The following ZC3H8 variants were observed in gnomAD, a reference collection of about 807,000 sequenced individuals.
ZC3H8 encodes zinc finger CCCH domain-containing protein 8.
ZC3H8 carries 27 observed loss-of-function variants against 42.5 expected under a neutral mutation model. The ratio of observed to expected loss-of-function variants is 0.64; its 90% CI spans 0.47 to 0.88. The LOEUF (loss-of-function observed/expected upper bound fraction) is 0.88, where lower values mean the gene tolerates loss of function less well. Among genes scored for constraint, ZC3H8 ranks in the 40% least tolerant of loss-of-function variants. The pLI is 0.00. For missense variants in ZC3H8, 277 were observed against 336.1 expected (o/e 0.82, Z 1.37); for synonymous variants, 101 against 110.1 (o/e 0.92, Z 0.52).
intron 4 of ZC3H8, among the ~76,000 whole-genome samples, chr2:112,235,838 T>TAAAATTTAGTAGTAA (rs1334648813): frequency 6.6e-6 from 1 of 150,780 alleles, no homozygotes; most frequent in Non-Finnish European, 1.5e-5. Flanking sequence ...ACTTTAGTAG[T>TAAAATTTAGTAGTAA]AAAAAATTTG....
At chr2:112,251,487 A>G (rs1685945602) in intron 1 of ZC3H8, among the ~76,000 whole-genome samples, 1 of 152,222 alleles carries the variant, frequency 6.6e-6, no homozygotes, top group Admixed American at 6.5e-5. Flanking sequence ...CTCATGGAGT[A>G]GGAGGCAACC....
chr2:112,236,682 T>G lies in ZC3H8; in HGVS notation c.384A>C (p.Lys128Asn), dbSNP rs780400624. 6 of 1,609,974 alleles carry G rather than the reference T, an allele frequency of 3.7e-6. No individual in the cohort carries two copies. The East Asian group carries it at 1.3e-4, about 36-fold the overall frequency. ...TGTGACCAGCTTTAAGATTTTTATTTTTTTGTTTAGCAGCTAAAAACAAAA... is the reference window on the plus strand; with the variant it reads ...TGTGACCAGCTTTAAGATTTTTATTGTTTTGTTTAGCAGCTAAAAACAAAA... ...VKDTPQAAKQ[K>N]NKNLKAGHKN... is the part of the protein sequence containing the mutation. Residue 128 changes from lysine (K) to asparagine (N), a missense_variant, in exon 4 of 9, where the codon AAA becomes AAC. Coordinates refer to ENST00000409573, the MANE Select transcript of ZC3H8 (RefSeq NM_032494.3).
chr2:112,235,967 A>C (rs950444231), intron 4 of ZC3H8, among the ~76,000 whole-genome samples: 1 of 147,564 alleles, frequency 6.8e-6, no homozygotes. Flanking sequence ...TCAAGGAGTG[A>C]CCAGGCACAG....
At chr2:112,238,207 T>C in intron 3 of ZC3H8, 108 bp downstream of exon 3, 1 of 1,135,190 alleles carries the variant, frequency 8.8e-7, no homozygotes, top group South Asian at 1.5e-5. Context: ...ATGAAAACCA[T>C]AGTCTTATCA....
Position 112,212,795 on chromosome 2 carries a change from T to C in ZC3H8, c.*3689A>G, listed in dbSNP as rs1276131615. Reference sequence around the variant, plus strand: ...AGATTAAAAATAGATTTAAAATGCATAGACACAATCCTAGCATTCAGCAGG... The same window carrying C: ...AGATTAAAAATAGATTTAAAATGCACAGACACAATCCTAGCATTCAGCAGG... On this transcript the variant is annotated 3_prime_UTR_variant, in exon 9 of 9. Transcript: ENST00000409573. The C allele has an allele frequency of 1.3e-5, 2 of 152,188 alleles. No individual in the cohort carries two copies. The highest frequency in any genetic ancestry group is 3.4e-3 in the Middle Eastern group (1 of 294). 9.4% of individuals were successfully genotyped at this position (152,188 alleles called of 1,614,324 possible). A position where few individuals can be genotyped will look rare whatever the true frequency, so the allele number is the denominator to read the frequency against.
Position 112,238,425 on chromosome 2 carries a change from TC to T in ZC3H8, c.259del (p.Glu87LysfsTer32). On this transcript the variant is annotated frameshift_variant, in exon 3 of 9. Transcript: ENST00000409573. LOFTEE classifies it high-confidence loss of function. ...TTGAAGCTCTTTGGCAAAATTATCT[TC>T]TGATTCCTGACTGCAGATATCATTA... is the stretch of plus-strand genomic sequence containing the variant. ...SDNDICSQES[E>X]DNFAKELQQY... 6.2e-7 allele frequency: 1 copy of T among 1,613,684 alleles called. No individual in the cohort carries two copies. Among genetic ancestry groups the T allele is most frequent in the East Asian group, 2.2e-5 (1 of 44,862 alleles).
intron 5 of ZC3H8, among the ~76,000 whole-genome samples, chr2:112,233,641 G>A (rs1182614099): frequency 3.3e-5 from 5 of 152,106 alleles, no homozygotes; most frequent in Non-Finnish European, 5.9e-5. Context: ...GCCGAGGTGC[G>A]CGGATCATGA....
At chr2:112,223,078 G>A (rs978717259) in intron 8 of ZC3H8, among the ~76,000 whole-genome samples, 2 of 151,870 alleles carry the variant, frequency 1.3e-5, no homozygotes, top group African/African-American at 4.8e-5. Flanking sequence ...TTGGACACAG[G>A]GTGGGGAACA....
At chr2:112,235,984 A>G (rs1288959345) in intron 4 of ZC3H8, among the ~76,000 whole-genome samples, 1 of 150,426 alleles carries the variant, frequency 6.6e-6, no homozygotes, top group African/African-American at 2.4e-5. Flanking sequence ...ACAGTGGCTC[A>G]TGCCTGTAAT....
intron 8 of ZC3H8, 98 bp downstream of exon 8, chr2:112,230,805 G>A: frequency 1.3e-6 from 1 of 752,046 alleles, no homozygotes; most frequent in East Asian, 6.8e-5. Context: ...GGAGGAAGAA[G>A]AAAAATACTT....
At chr2:112,249,738 C>T (rs1685884301) in intron 2 of ZC3H8, among the ~76,000 whole-genome samples, 1 of 152,198 alleles carries the variant, frequency 6.6e-6, no homozygotes, top group Non-Finnish European at 1.5e-5. Context: ...GCCACCGCGC[C>T]CAGCCAAGTT....
At chr2:112,230,693 A>C (rs1685049153) in intron 8 of ZC3H8, 1 of 224,252 alleles carries the variant, frequency 4.5e-6, no homozygotes, top group East Asian at 1.5e-4. Context: ...AGAGGAGAAT[A>C]AAAATATACC....
chr2:112,228,404 A>G (rs1684943177), intron 8 of ZC3H8, among the ~76,000 whole-genome samples: 2 of 152,054 alleles, frequency 1.3e-5, no homozygotes, highest in South Asian at 4.1e-4. Context: ...CGGGATGCTG[A>G]GGCATGAGAA....
chr2:112,219,091 G>T (rs773094790), intron 8 of ZC3H8, among the ~76,000 whole-genome samples: 3 of 151,996 alleles, frequency 2.0e-5, no homozygotes, highest in Admixed American at 6.5e-5. Flanking sequence ...TCCAGAAATA[G>T]AAAAATCTGT....
intron 8 of ZC3H8, among the ~76,000 whole-genome samples, chr2:112,222,921 G>C (rs534686564): frequency 7.2e-5 from 11 of 152,324 alleles, no homozygotes; most frequent in African/African-American, 2.6e-4. Context: ...AAATGGTTAA[G>C]ATGGTAAATA....
Position 112,241,439 on chromosome 2 carries a change from AC to A in ZC3H8, c.157-2912del, listed in dbSNP as rs139470653. On this transcript the variant is annotated intron_variant, in intron 2 of 8. Transcript: ENST00000409573. ...GGGGTTCTCACCCTGCTGTCCAGAG[AC>A]CCCCCCCTCAAGGGCCTATGGATTG... Among the ~76,000 whole-genome samples, 232 of 150,834 alleles carry A rather than the reference AC, an allele frequency of 1.5e-3. 1 individual carries two copies. The highest frequency in any genetic ancestry group is 2.3e-3 in the Non-Finnish European group (157 of 67,684).
At chr2:112,233,452 A>G (rs1453265226) in intron 5 of ZC3H8, 81 bp from the exon 6 acceptor site, 1 of 925,386 alleles carries the variant, frequency 1.1e-6, no homozygotes, top group Non-Finnish European at 1.6e-6. Flanking sequence ...TAAACTTTAA[A>G]TAAGCAAATG....
chr2:112,238,233 A>G (rs2254860), intron 3 of ZC3H8, 82 bp downstream of exon 3: 407,662 of 1,379,782 alleles, frequency 0.3, 61,319 homozygotes, highest in African/African-American at 0.4. Flanking sequence ...TAAAGTGCAA[A>G]GAAAAATCCT....
At chr2:112,234,688 T>C (rs967697203) in intron 4 of ZC3H8, among the ~76,000 whole-genome samples, 6 of 151,762 alleles carry the variant, frequency 4.0e-5, no homozygotes, top group Non-Finnish European at 5.9e-5. Context: ...TAAGCCCAGC[T>C]ACTCTAGAGG....
Sources: gnomAD v4.1 joint callset for allele counts (sites outside exome capture counted in the v4.1 genomes callset) on GRCh38, gnomAD v4.1.1 for gene constraint, MANE v1.5 for transcripts, NCBI Gene and HGNC (gene_info 2026-07-23, HGNC 2026-07-21) for gene names.